The following DPF3 variants were observed in gnomAD, a reference collection of about 807,000 sequenced individuals.
DPF3 encodes the protein double PHD fingers 3.
Under a neutral mutation model 56.8 loss-of-function variants are expected in DPF3, and 18 were observed. The observed-to-expected ratio is 0.32, with a 90% confidence interval of 0.22 to 0.47. The LOEUF (loss-of-function observed/expected upper bound fraction) is 0.47, where lower values mean the gene tolerates loss of function less well. DPF3 is among the 20% of genes least tolerant of loss of function. The pLI is 1.00. For synonymous variants in DPF3, 188 were observed against 180.2 expected, an observed-to-expected ratio of 1.04 and a Z score of -0.35; for missense variants, 403 against 488.8, an observed-to-expected ratio of 0.82 and a Z score of 1.65.
intron 1 of DPF3, among the ~76,000 whole-genome samples, chr14:72,780,880 T>G (rs1416270891): frequency 6.6e-6 from 1 of 152,198 alleles, no homozygotes; most frequent in African/African-American, 2.4e-5. Flanking sequence ...TTGTGCTTAG[T>G]GAGAATGCCA....
At chr14:72,667,898 C>T (rs897530406) in intron 8 of DPF3, among the ~76,000 whole-genome samples, 11 of 152,150 alleles carry the variant, frequency 7.2e-5, no homozygotes, top group African/African-American at 1.4e-4. Flanking sequence ...ATGCAGGCAA[C>T]GATAGAGTAT....
At chr14:72,783,735 C>T (rs952663684) in intron 1 of DPF3, among the ~76,000 whole-genome samples, 4 of 152,180 alleles carry the variant, frequency 2.6e-5, no homozygotes, top group Non-Finnish European at 4.4e-5. Context: ...ATATTGGCAC[C>T]GGAAACTAGC....
At chr14:72,678,630 G>A (rs546613451) in intron 7 of DPF3, among the ~76,000 whole-genome samples, 7 of 152,300 alleles carry the variant, frequency 4.6e-5, no homozygotes, top group East Asian at 1.9e-4. Flanking sequence ...TAGGAAGCTC[G>A]CCCAGACCTT....
intron 1 of DPF3, among the ~76,000 whole-genome samples, chr14:72,890,051 CTGGCAGAAGG>C (rs1886690691): frequency 6.6e-6 from 1 of 152,104 alleles, no homozygotes; most frequent in Admixed American, 6.6e-5. Context: ...ATAATCAAGT[CTGGCAGAAGG>C]TGGCAGACAT....
chr14:72,671,002 GT>G, intron 8 of DPF3: 1 of 1,455,668 alleles, frequency 6.9e-7, no homozygotes, highest in Non-Finnish European at 9.0e-7. Context: ...CACGTGGGAG[GT>G]GAAGGGAAAA....
At chr14:72,819,610 T>A (rs572997566) in intron 1 of DPF3, among the ~76,000 whole-genome samples, 4 of 152,256 alleles carry the variant, frequency 2.6e-5, no homozygotes, top group African/African-American at 4.8e-5. Flanking sequence ...ACTTTTTTTT[T>A]AAAAGGCCGA....
intron 2 of DPF3, among the ~76,000 whole-genome samples, chr14:72,755,009 G>C (rs1245694182): frequency 6.6e-6 from 1 of 152,236 alleles, no homozygotes; most frequent in Admixed American, 6.5e-5. Flanking sequence ...GGCTCCAGGG[G>C]ACTCATCCAC....
chr14:72,670,921 G>GT, intron 8 of DPF3: 1 of 1,301,156 alleles, frequency 7.7e-7, no homozygotes, highest in Non-Finnish European at 9.8e-7. Flanking sequence ...CTGCTGTTTT[G>GT]TTTTGTTTCA....
At chr14:72,883,491 CA>C (rs1886395753) in intron 1 of DPF3, among the ~76,000 whole-genome samples, 1 of 151,568 alleles carries the variant, frequency 6.6e-6, no homozygotes, top group African/African-American at 2.4e-5. Context: ...ACCCTATCTC[CA>C]AAAAATATAT....
chr14:72,865,763 T>C (rs1448414989), intron 1 of DPF3, among the ~76,000 whole-genome samples: 1 of 152,172 alleles, frequency 6.6e-6, no homozygotes, highest in Non-Finnish European at 1.5e-5. Flanking sequence ...ACATCAGCAC[T>C]AGGCCGGGTG....
chr14:72,662,785 G>C, intron 8 of DPF3: 1 of 988,112 alleles, frequency 1.0e-6, no homozygotes, highest in Non-Finnish European at 1.2e-6. Context: ...CACCTTCTTC[G>C]GAAATGGCTT....
At chr14:72,822,698 CCAAAAA>C (rs1883606333) in intron 1 of DPF3, among the ~76,000 whole-genome samples, 1 of 151,798 alleles carries the variant, frequency 6.6e-6, no homozygotes, top group Non-Finnish European at 1.5e-5. Flanking sequence ...AAAAACACCA[CCAAAAA>C]CAAAAACACA....
chr14:72,663,248 C>T (rs964097576), intron 8 of DPF3, among the ~76,000 whole-genome samples: 5 of 151,760 alleles, frequency 3.3e-5, no homozygotes, highest in African/African-American at 9.7e-5. Context: ...CCAGAAAGGA[C>T]CTTTATGATG....
intron 9 of DPF3, among the ~76,000 whole-genome samples, chr14:72,621,066 G>T (rs532888078): frequency 5.1e-4 from 77 of 151,850 alleles, no homozygotes; most frequent in Non-Finnish European, 9.1e-4. Flanking sequence ...TCTTGAACCC[G>T]GGAGGTGGAG....
chr14:72,792,963 TG>T (rs1892502824), intron 1 of DPF3, among the ~76,000 whole-genome samples: 2 of 151,684 alleles, frequency 1.3e-5, no homozygotes, highest in African/African-American at 4.8e-5. Flanking sequence ...AACACAGAAC[TG>T]GGTGTTATCT....
chr14:72,659,757 T>A (rs1184030489), intron 8 of DPF3, among the ~76,000 whole-genome samples: 1 of 152,228 alleles, frequency 6.6e-6, no homozygotes, highest in Non-Finnish European at 1.5e-5. Context: ...TGAGTCACTA[T>A]AGGAAGTGGG....
intron 1 of DPF3, chr14:72,879,923 A>C: frequency 2.0e-6 from 3 of 1,511,308 alleles, no homozygotes; most frequent in Non-Finnish European, 2.6e-6. Context: ...ATGATCCACA[A>C]CTTTCATAGG....
Position 72,894,064 on chromosome 14 carries a change from G to A in DPF3, c.25C>T (p.Leu9=), listed in dbSNP as rs781304681. Residue 9 remains leucine (L), a synonymous_variant, in exon 1 of 11, where the codon CTG becomes TTG. Coordinates refer to ENST00000556509, the MANE Select transcript of DPF3 (RefSeq NM_001280542.3). MATVIHNP[L]KALGDQFYKE... is the part of the protein sequence containing the mutation. Reference sequence around the variant, plus strand: ...TTTTTTAGTCTTACTTACGCTTTCAGGGGGTTGTGAATGACAGTCGCCATT... The same window carrying A: ...TTTTTTAGTCTTACTTACGCTTTCAAGGGGTTGTGAATGACAGTCGCCATT... 6.2e-7 allele frequency: 1 copy of A among 1,610,280 alleles called. No homozygotes were observed. Among genetic ancestry groups the A allele is most frequent in the Non-Finnish European group, 8.5e-7 (1 of 1,178,664 alleles).
chr14:72,812,555 G>A (rs1032574429), intron 1 of DPF3, among the ~76,000 whole-genome samples: 4 of 152,128 alleles, frequency 2.6e-5, no homozygotes, highest in South Asian at 2.1e-4. Flanking sequence ...TGACGTCACC[G>A]AGAGCCACCT....
Sources: allele counts gnomAD v4.1 joint callset (sites outside exome capture counted in the v4.1 genomes callset), GRCh38; gene constraint gnomAD v4.1.1; transcripts MANE v1.5; gene names NCBI Gene and HGNC (gene_info 2026-07-23, HGNC 2026-07-21).